The following ACAN variants were observed in gnomAD, a reference collection of about 807,000 sequenced individuals.
The protein encoded by ACAN is aggrecan.
Under a neutral mutation model 169.1 loss-of-function variants are expected in ACAN, and 47 were observed. The ratio of observed to expected loss-of-function variants is 0.28; its 90% CI spans 0.22 to 0.35. ACAN has a LOEUF of 0.35. Ranked by LOEUF, ACAN falls within the 10% of genes least tolerant of loss-of-function variation. The probability of loss-of-function intolerance (pLI) is 1.00; values close to 1 mark genes in which losing one functional copy is unlikely to be tolerated. For missense variants in ACAN, 2,716 were observed against 2,759.9 expected (o/e 0.98, Z 0.36); for synonymous variants, 1,115 against 1,112.2 (o/e 1.00, Z -0.05).
Position 88,807,785 on chromosome 15 carries a change from T to TGTGTGTGTGTGC in ACAN, c.-8+3977_-8+3978insTGTGTGTGTGCG, listed in dbSNP as rs1555450501. Among the ~76,000 whole-genome samples the TGTGTGTGTGTGC allele has an allele frequency of 2.6e-5, 4 of 151,580 alleles. No homozygotes were observed. The highest frequency in any genetic ancestry group is 7.3e-5 in the African/African-American group (3 of 41,270). ...GTGTGTGTGTGTGTGTGTGTGTGTGTGCATGCTGGCAGGGCGGGCCCTGCG... is the reference window on the plus strand; with the variant it reads ...GTGTGTGTGTGTGTGTGTGTGTGTGTGTGTGTGTGTGCGCATGCTGGCAGGGCGGGCCCTGCG... On this transcript the variant is annotated intron_variant, in intron 1 of 18. Coordinates refer to ENST00000560601, the MANE Select transcript of ACAN (RefSeq NM_001369268.1). This position sits in a 1 kb window ranked among gnomAD's most constrained non-coding sequence, Gnocchi z 4.0.
At position 88,814,516 on chromosome 15, in the gene ACAN, A is replaced by G. The variant is rs1895892693; in HGVS notation, c.-8+10707A>G. ...GCCACCCTGCAGCTAGCTGAGGGACAGGACAGATGACGAAAGCCAGGGCTG... is the reference window on the plus strand; with the variant it reads ...GCCACCCTGCAGCTAGCTGAGGGACGGGACAGATGACGAAAGCCAGGGCTG... On this transcript the variant is annotated intron_variant, in intron 1 of 18. Transcript: ENST00000560601. The surrounding 1 kb of genome is among the most constrained non-coding windows in gnomAD (Gnocchi z 4.0). Among the ~76,000 whole-genome samples the G allele has an allele frequency of 6.6e-6, 1 of 152,230 alleles. No individual in the cohort carries two copies. The highest frequency in any genetic ancestry group is 2.4e-5 in the African/African-American group (1 of 41,466).
At chr15:88,865,916 C>A (rs1392182748) in intron 13 of ACAN, among the ~76,000 whole-genome samples, 1 of 152,152 alleles carries the variant, frequency 6.6e-6, no homozygotes, top group Non-Finnish European at 1.5e-5. Context: ...GCTGACTCAG[C>A]CTCTCCAAAC....
Position 88,841,828 on chromosome 15 carries a change from G to A in ACAN, c.718G>A (p.Glu240Lys), listed in dbSNP as rs200578079. Residue 240 changes from glutamate to lysine, a missense_variant, in exon 5 of 19, where the codon GAG becomes AAG. Transcript: ENST00000560601. ...GACGTATGGCATCCGAGACACCAAC[G>A]AGACCTATGATGTGTACTGCTTCGC... ...VRTYGIRDTN[E>K]TYDVYCFAEE... 81 of 1,613,204 alleles carry A rather than the reference G, an allele frequency of 5.0e-5. No individual in the cohort carries two copies. The African/African-American group carries it at 5.1e-4, about 10-fold the overall frequency.
Position 88,860,405 on chromosome 15 carries a change from C to T in ACAN, c.6912C>T (p.Cys2304=). ...KETEGHVICL[C]PPGYTGEHCN... ...CAGAGGGACACGTCATATGCCTGTG[C>T]CCCCCTGGCTACACTGGCGAGCACT... Residue 2304 remains cysteine, a synonymous_variant, in exon 13 of 19, where the codon TGC becomes TGT. Transcript: ENST00000560601. 1 of 1,613,178 alleles carries T rather than the reference C, an allele frequency of 6.2e-7. No homozygotes were observed. Among genetic ancestry groups the T allele is most frequent in the Non-Finnish European group, 8.5e-7 (1 of 1,179,480 alleles).
rs746936775 is a variant in ACAN at position 88,847,206 on chromosome 15, G to A, written c.1430-37G>A. 47 of 1,508,770 alleles carry A rather than the reference G, an allele frequency of 3.1e-5. No homozygotes were observed. In the South Asian group the frequency reaches 5.5e-4, roughly 18 times the overall value. The allele number at this position is 1,508,770 out of a possible 1,614,324, so 93.5% of individuals were successfully genotyped here. On this transcript the variant is annotated intron_variant, in intron 7 of 18. Transcript: ENST00000560601. ...GGAGCCTTGGAAGCTGCACACCGTGGGTCCCTGAACCTGACCGCTCCCTCC... is the reference window on the plus strand; with the variant it reads ...GGAGCCTTGGAAGCTGCACACCGTGAGTCCCTGAACCTGACCGCTCCCTCC...
In ACAN at chr15:88,847,987, C is replaced by G. The variant is rs780224333; in HGVS notation, c.1681C>G (p.Arg561Gly). The change falls in exon 9 of 19, where the codon CGC (arginine) becomes GGC (glycine). Residue 561 changes from arginine (R) to glycine (G), a missense_variant. Arg to Gly is a moderately radical substitution (Grantham distance 125). Around this residue, in one of 3 missense-constraint regions of ACAN, gnomAD observed 1,283 missense variants for 1,281.5 expected, o/e 1.00. Coordinates refer to ENST00000560601, the MANE Select transcript of ACAN (RefSeq NM_001369268.1). ...SSPGVRTYGV[R>G]PSTETYDVYC... ...CCCAGGGGTCAGGACCTATGGCGTG[C>G]GCCCATCAACAGAGACCTACGATGT... 6.2e-7 allele frequency: 1 copy of G among 1,613,948 alleles called. No individual in the cohort carries two copies. The highest frequency in any genetic ancestry group is 1.3e-5 in the African/African-American group (1 of 75,038).
rs1895884488 is a variant in ACAN at position 88,814,139 on chromosome 15, C to G, written c.-8+10330C>G. ...CAGCCATCCCTCATCAGCAGTGTGACCTTGACAGAGTTGATTAGTCTTGCT... is the reference window on the plus strand; with the variant it reads ...CAGCCATCCCTCATCAGCAGTGTGAGCTTGACAGAGTTGATTAGTCTTGCT... On this transcript the variant is annotated intron_variant, in intron 1 of 18. Transcript: ENST00000560601. The surrounding 1 kb of genome is among the most constrained non-coding windows in gnomAD (Gnocchi z 4.0). 6.6e-6 allele frequency among the ~76,000 whole-genome samples: 1 copy of G among 152,204 alleles called. No homozygotes were observed. Among genetic ancestry groups the G allele is most frequent in the African/African-American group, 2.4e-5 (1 of 41,438 alleles).
chr15:88,838,575 G>C lies in ACAN; in HGVS notation c.71-88G>C. On this transcript the variant is annotated intron_variant, in intron 2 of 18. Transcript: ENST00000560601. The surrounding 1 kb of genome is among the most constrained non-coding windows in gnomAD (Gnocchi z 5.1). ...CATCGGATTTCGCTCTCTCAGGAGA[G>C]TGCATTGCTGGAAGGATGGATGGGG... 1.4e-6 allele frequency: 2 copies of C among 1,445,424 alleles called. No individual in the cohort carries two copies. The highest frequency in any genetic ancestry group is 2.2e-5 in the Admixed American group (1 of 46,420). 89.5% of individuals were successfully genotyped at this position (1,445,424 alleles called of 1,614,324 possible). A position where few individuals can be genotyped will look rare whatever the true frequency, so the allele number is the denominator to read the frequency against.
chr15:88,839,103 T>C lies in ACAN; in HGVS notation c.454+57T>C. ...TCACCCACATAAAGAACCAGAGCAG[T>C]CTCCGCAGTGCAGGCGCAGGCAGGC... On this transcript the variant is annotated intron_variant, in intron 3 of 18. Coordinates refer to ENST00000560601, the MANE Select transcript of ACAN (RefSeq NM_001369268.1). The surrounding 1 kb of genome is among the most constrained non-coding windows in gnomAD (Gnocchi z 4.5). 6.3e-7 allele frequency: 1 copy of C among 1,578,836 alleles called. No individual in the cohort carries two copies. The highest frequency in any genetic ancestry group is 1.1e-5 in the South Asian group (1 of 87,568).
At position 88,807,303 on chromosome 15, in the gene ACAN, G is replaced by A. The variant is rs1895706816; in HGVS notation, c.-8+3494G>A. Among the ~76,000 whole-genome samples the A allele has an allele frequency of 6.6e-6, 1 of 152,224 alleles. No individual in the cohort carries two copies. Among genetic ancestry groups the A allele is most frequent in the Non-Finnish European group, 1.5e-5 (1 of 68,040 alleles). ...AGGCCAGCAGCTGCCCTGGGAAAGG[G>A]GATCAGGAGCACATCTTGGGAACAG... is the stretch of plus-strand genomic sequence containing the variant. On this transcript the variant is annotated intron_variant, in intron 1 of 18. Coordinates refer to ENST00000560601, the MANE Select transcript of ACAN (RefSeq NM_001369268.1). The surrounding 1 kb of genome is among the most constrained non-coding windows in gnomAD (Gnocchi z 4.0).
At chr15:88,831,048 GA>G (rs1314475812) in intron 1 of ACAN, among the ~76,000 whole-genome samples, 1 of 152,066 alleles carries the variant, frequency 6.6e-6, no homozygotes, top group African/African-American at 2.4e-5. Context: ...GGAAAAGAAA[GA>G]AAAAGAAAAA....
rs538819065 is a variant in ACAN at position 88,868,750 on chromosome 15, C to G, written c.7060+421C>G. Among the ~76,000 whole-genome samples, 1 of 152,302 alleles carries G rather than the reference C, an allele frequency of 6.6e-6. No individual in the cohort carries two copies. The highest frequency in any genetic ancestry group is 1.9e-4 in the East Asian group (1 of 5,184). ...TGGGACCTTTGTGGTTCCTTCATGG[C>G]CCTGGGAGCCACTGTGCCACATTGG... is the stretch of plus-strand genomic sequence containing the variant. On this transcript the variant is annotated intron_variant, in intron 14 of 18. Coordinates refer to ENST00000560601, the MANE Select transcript of ACAN (RefSeq NM_001369268.1). This position sits in a 1 kb window ranked among gnomAD's most constrained non-coding sequence, Gnocchi z 5.2.
Position 88,872,055 on chromosome 15 carries a change from G to A in ACAN, c.7272G>A (p.Gly2424=). 1 of 1,613,936 alleles carries A rather than the reference G, an allele frequency of 6.2e-7. No homozygotes were observed. Reference sequence around the variant, plus strand: ...GCCTGAACGACAGGACCATCGAAGGGGACTTCCGCTGGTCAGATGGACACC... The same window carrying A: ...GCCTGAACGACAGGACCATCGAAGGAGACTTCCGCTGGTCAGATGGACACC... ...WIGLNDRTIE[G]DFRWSDGHPM... The change falls in exon 16 of 19, where the codon GGG becomes GGA. Residue 2424 remains glycine, a synonymous_variant. Transcript: ENST00000560601. This position sits in a 1 kb window ranked among gnomAD's most constrained non-coding sequence, Gnocchi z 5.4.
rs917376997 is a variant in ACAN at position 88,841,653 on chromosome 15, C to T, written c.630-87C>T. 8.4e-6 allele frequency: 13 copies of T among 1,538,926 alleles called. No homozygotes were observed. In the Admixed American group the frequency reaches 2.3e-4, roughly 27 times the overall value. ...AAATGCAATATTAAGTTGCTGTTTCCTCCCACGGGAGGAGGATTCAAAGGC... is the reference window on the plus strand; with the variant it reads ...AAATGCAATATTAAGTTGCTGTTTCTTCCCACGGGAGGAGGATTCAAAGGC... On this transcript the variant is annotated intron_variant, in intron 4 of 18. Transcript: ENST00000560601.
intron 1 of ACAN, among the ~76,000 whole-genome samples, chr15:88,809,552 C>A (rs1180004609): frequency 1.3e-5 from 2 of 152,208 alleles, no homozygotes; most frequent in Non-Finnish European, 2.9e-5. Flanking sequence ...GTTGAATGAA[C>A]CATAGTACTA....
rs117954541 is a variant in ACAN, at chr15:88,865,592, G to T, written c.6947-2624G>T. 1.5e-4 allele frequency among the ~76,000 whole-genome samples: 23 copies of T among 152,264 alleles called. No individual in the cohort carries two copies. The East Asian group carries it at 4.1e-3, about 27-fold the overall frequency. ...CACTTGGCTCACAGGAGGTTCTTGA[G>T]AGTTACTGGTTTCCTCCCTTTCCTC... is the stretch of plus-strand genomic sequence containing the variant. On this transcript the variant is annotated intron_variant, in intron 13 of 18. Coordinates refer to ENST00000560601, the MANE Select transcript of ACAN (RefSeq NM_001369268.1).
Position 88,869,157 on chromosome 15 carries a change from G to A in ACAN, c.7060+828G>A, listed in dbSNP as rs1053753656. Among the ~76,000 whole-genome samples the A allele has an allele frequency of 2.6e-5, 4 of 152,114 alleles. No individual in the cohort carries two copies. The highest frequency in any genetic ancestry group is 5.9e-5 in the Non-Finnish European group (4 of 68,040). ...GTGCTTCCTAGTCTCCCCACCAGCCGCCTGGATCTCGGGGATTTCCCAGCT... is the reference window on the plus strand; with the variant it reads ...GTGCTTCCTAGTCTCCCCACCAGCCACCTGGATCTCGGGGATTTCCCAGCT... On this transcript the variant is annotated intron_variant, in intron 14 of 18. Transcript: ENST00000560601. The surrounding 1 kb of genome is among the most constrained non-coding windows in gnomAD (Gnocchi z 4.2).
rs1028383965 is a variant in ACAN at position 88,858,440 on chromosome 15, A to G, written c.5855A>G (p.Gln1952Arg). 5 of 1,613,580 alleles carry G rather than the reference A, an allele frequency of 3.1e-6. No homozygotes were observed. In the Admixed American group the frequency reaches 8.3e-5, roughly 27 times the overall value. Residue 1952 changes from glutamine (Q) to arginine (R), a missense_variant, in exon 12 of 19, where the codon CAA becomes CGA. Physicochemically the swap from Gln to Arg is conservative, Grantham distance 43. This residue lies in a region of ACAN where 1,389 missense variants were observed against 1,363.7 expected (regional missense o/e 1.02). Coordinates refer to ENST00000560601, the MANE Select transcript of ACAN (RefSeq NM_001369268.1). This position sits in a 1 kb window ranked among gnomAD's most constrained non-coding sequence, Gnocchi z 4.0. ...TCTGTAACCCAGGCTCCAACAGCCC[A>G]AGAGGCAGGAGAAGGGCCTTCTGGC... ...VESVTQAPTA[Q>R]EAGEGPSGIL...
chr15:88,868,421 T>C lies in ACAN; in HGVS notation c.7060+92T>C, dbSNP rs951661260. On this transcript the variant is annotated intron_variant, in intron 14 of 18. Coordinates refer to ENST00000560601, the MANE Select transcript of ACAN (RefSeq NM_001369268.1). This position sits in a 1 kb window ranked among gnomAD's most constrained non-coding sequence, Gnocchi z 5.2. ...CCTCCTAACAACAGGCTCCAGGCCC[T>C]GGCTGGGGCCCCCGAGGTTCATCTG... 8.2e-6 allele frequency: 5 copies of C among 608,472 alleles called. No individual in the cohort carries two copies. In the African/African-American group the frequency reaches 9.2e-5, roughly 11 times the overall value. 37.7% of individuals were successfully genotyped at this position (608,472 alleles called of 1,614,324 possible). A position where few individuals can be genotyped will look rare whatever the true frequency, so the allele number is the denominator to read the frequency against.
Sources: gnomAD v4.1 joint callset for allele counts (sites outside exome capture counted in the v4.1 genomes callset) on GRCh38, gnomAD v4.1.1 for gene constraint, gnomAD v4.1.1 regional missense constraint, Gnocchi (gnomAD v3.1) non-coding constraint, MANE v1.5 for transcripts, NCBI Gene and HGNC (gene_info 2026-07-23, HGNC 2026-07-21) for gene names.